Variants in MEF2A observed in about 807,000 individuals in gnomAD.
The protein encoded by MEF2A is myocyte enhancer factor 2A, also known as myocyte-specific enhancer factor 2A.
A neutral mutation model predicts 55.8 loss-of-function variants in MEF2A; 28 were observed. That is an observed-to-expected ratio of 0.50 (90% CI 0.37 to 0.69). The LOEUF (loss-of-function observed/expected upper bound fraction) is 0.69. MEF2A is among the 30% of genes least tolerant of loss of function. MEF2A has a pLI of 0.00. For synonymous variants in MEF2A, 239 were observed against 227.1 expected (o/e 1.05, Z -0.47); for missense variants, 528 against 626.2 (o/e 0.84, Z 1.67).
intron 8 of MEF2A, among the ~76,000 whole-genome samples, chr15:99,700,851 G>C (rs1207511780): frequency 6.6e-6 from 1 of 152,108 alleles, no homozygotes; most frequent in Non-Finnish European, 1.5e-5. Context: ...AATAGTATTG[G>C]ATTATAGCCC....
chr15:99,632,339 A>T (rs2043077188), intron 2 of MEF2A, among the ~76,000 whole-genome samples: 1 of 152,258 alleles, frequency 6.6e-6, no homozygotes, highest in South Asian at 2.1e-4. Context: ...TTTTTACGAA[A>T]GTATATAGTG....
intron 1 of MEF2A, among the ~76,000 whole-genome samples, chr15:99,585,492 T>C (rs1431960673): frequency 2.0e-5 from 3 of 152,244 alleles, no homozygotes; most frequent in Non-Finnish European, 4.4e-5. Context: ...TAAAAAATTA[T>C]AGTATTCAGC....
rs561034823 is a variant in MEF2A, at chr15:99,596,803, A to G, written c.-224-1627A>G. Among the ~76,000 whole-genome samples, 5 of 152,292 alleles carry G rather than the reference A, an allele frequency of 3.3e-5. No individual in the cohort carries two copies. The South Asian group carries it at 1.0e-3, about 32-fold the overall frequency. On this transcript the variant is annotated intron_variant, in intron 1 of 11. Coordinates refer to ENST00000557942, the MANE Select transcript of MEF2A (RefSeq NM_001319206.4). ...AGCAGGGCTGGATTATTGTTTGTGCACCTAATCCATTGAGCAGTGTTCACT... is the reference window on the plus strand; with the variant it reads ...AGCAGGGCTGGATTATTGTTTGTGCGCCTAATCCATTGAGCAGTGTTCACT...
chr15:99,593,470 A>G lies in MEF2A; in HGVS notation c.-224-4960A>G, dbSNP rs574320657. Among the ~76,000 whole-genome samples, 3 of 152,302 alleles carry G rather than the reference A, an allele frequency of 2.0e-5. No individual in the cohort carries two copies. The East Asian group carries it at 5.8e-4, about 29-fold the overall frequency. The stretch of plus-strand genomic sequence containing the variant: ...TACTACATCATGCCTGGTAGCAAAT[A>G]TCTTAAGGCATGAGGAGTTGGGTGC... On this transcript the variant is annotated intron_variant, in intron 1 of 11. Transcript: ENST00000557942.
chr15:99,701,463 G>A (rs1357741600), intron 8 of MEF2A, among the ~76,000 whole-genome samples: 1 of 152,218 alleles, frequency 6.6e-6, no homozygotes, highest in Non-Finnish European at 1.5e-5. Flanking sequence ...CAGAGGAGAC[G>A]AAGGAGATGT....
chr15:99,621,248 C>T (rs1369361589), intron 2 of MEF2A, among the ~76,000 whole-genome samples: 1 of 152,166 alleles, frequency 6.6e-6, no homozygotes, highest in Admixed American at 6.6e-5. Context: ...CAGTGTTCCA[C>T]CTTTTTAATG....
Position 99,650,340 on chromosome 15 carries a change from A to G in MEF2A, c.258+4576A>G, listed in dbSNP as rs929624070. ...CTGGAGCATTTTACCGTAAGTAGAT[A>G]AGATTTTATACATACACCAATCATG... On this transcript the variant is annotated intron_variant, in intron 4 of 11. Transcript: ENST00000557942. Among the ~76,000 whole-genome samples the G allele has an allele frequency of 1.1e-4, 16 of 152,334 alleles. 1 individual carries two copies. Among genetic ancestry groups the G allele is most frequent in the African/African-American group, 3.6e-4 (15 of 41,580 alleles).
chr15:99,609,711 A>G (rs1976452208), intron 2 of MEF2A, among the ~76,000 whole-genome samples: 1 of 152,204 alleles, frequency 6.6e-6, no homozygotes, highest in South Asian at 2.1e-4. Flanking sequence ...GGAACAAAGA[A>G]AAATTATCTT....
intron 8 of MEF2A, among the ~76,000 whole-genome samples, chr15:99,694,457 T>C (rs2056087238): frequency 6.6e-6 from 1 of 152,202 alleles, no homozygotes; most frequent in Non-Finnish European, 1.5e-5. Flanking sequence ...AAATCTGAAA[T>C]CCAAAATGAT....
intron 1 of MEF2A, among the ~76,000 whole-genome samples, chr15:99,581,655 A>G (rs567718970): frequency 3.9e-5 from 6 of 152,116 alleles, no homozygotes; most frequent in African/African-American, 1.4e-4. Flanking sequence ...GATTATTTCT[A>G]TATTGTTGAT....
At chr15:99,568,327 GA>G (rs1174589944) in intron 1 of MEF2A, among the ~76,000 whole-genome samples, 1 of 152,072 alleles carries the variant, frequency 6.6e-6, no homozygotes, top group Non-Finnish European at 1.5e-5. Flanking sequence ...GTGTGACAAG[GA>G]TTTTTTTTTG....
chr15:99,621,445 T>C (rs966139321), intron 2 of MEF2A, among the ~76,000 whole-genome samples: 27 of 152,246 alleles, frequency 1.8e-4, no homozygotes, highest in African/African-American at 5.8e-4. Flanking sequence ...CATTTCTTTT[T>C]GAAATACTAA....
chr15:99,586,160 T>C (rs1185536424), intron 1 of MEF2A, among the ~76,000 whole-genome samples: 1 of 152,216 alleles, frequency 6.6e-6, no homozygotes, highest in Non-Finnish European at 1.5e-5. Context: ...TGTATGGACA[T>C]ATGCTTTCAT....
Position 99,632,971 on chromosome 15 carries a change from C to A in MEF2A, c.-142-7C>A. The A allele has an allele frequency of 1.7e-6, 1 of 576,816 alleles. No homozygotes were observed. The highest frequency in any genetic ancestry group is 2.4e-5 in the South Asian group (1 of 41,380). The allele number at this position is 576,816 out of a possible 1,614,324, so 35.7% of individuals were successfully genotyped here. A position where few individuals can be genotyped will look rare whatever the true frequency, so the allele number is the denominator to read the frequency against. On this transcript the variant is annotated splice_polypyrimidine_tract_variant and splice_region_variant and intron_variant, in intron 2 of 11. Coordinates refer to ENST00000557942, the MANE Select transcript of MEF2A (RefSeq NM_001319206.4). ...TTTTAAATCTTCTAATTTGTGTTTT[C>A]TTTTAGATCTTGTAGAAAATTTCAG...
At chr15:99,610,829 A>C (rs1364411334) in intron 2 of MEF2A, among the ~76,000 whole-genome samples, 1 of 152,256 alleles carries the variant, frequency 6.6e-6, no homozygotes, top group African/African-American at 2.4e-5. Context: ...CTAAGTCTTC[A>C]TGATCCTGAA....
At chr15:99,640,130 C>A (rs139094745) in intron 3 of MEF2A, among the ~76,000 whole-genome samples, 26 of 152,082 alleles carry the variant, frequency 1.7e-4, no homozygotes, top group Admixed American at 8.5e-4. Context: ...AATATGTATT[C>A]TTTGATTGTT....
intron 7 of MEF2A, chr15:99,678,694 A>C (rs2052596264): frequency 1.0e-6 from 1 of 983,564 alleles, no homozygotes; most frequent in Non-Finnish European, 1.2e-6. Flanking sequence ...CTTTTAAAGC[A>C]CTGAACGAAC....
intron 7 of MEF2A, among the ~76,000 whole-genome samples, chr15:99,688,082 CTT>C (rs1473852881): frequency 6.6e-6 from 1 of 152,194 alleles, no homozygotes; most frequent in Admixed American, 6.5e-5. Context: ...AAACACTTAT[CTT>C]TTATTCTTCT....
At chr15:99,584,591 T>G (rs912521917) in intron 1 of MEF2A, among the ~76,000 whole-genome samples, 1 of 152,172 alleles carries the variant, frequency 6.6e-6, no homozygotes, top group African/African-American at 2.4e-5. Flanking sequence ...AGACCACATA[T>G]TGTGTAATTC....
Sources: allele counts gnomAD v4.1 joint callset (sites outside exome capture counted in the v4.1 genomes callset), GRCh38; gene constraint gnomAD v4.1.1; transcripts MANE v1.5; gene names NCBI Gene and HGNC (gene_info 2026-07-23, HGNC 2026-07-21).